The following DNAAF11 variants were observed in gnomAD, a reference collection of about 807,000 sequenced individuals.
DNAAF11 encodes the protein dynein axonemal assembly factor 11, also known as leucine rich repeat containing 6.
DNAAF11 carries 45 observed loss-of-function variants against 60.8 expected under a neutral mutation model. The ratio of observed to expected loss-of-function variants is 0.74; its 90% CI spans 0.58 to 0.95. DNAAF11 has a LOEUF of 0.95. Among genes scored for constraint, DNAAF11 ranks in the 40% least tolerant of loss-of-function variants. DNAAF11 has a pLI of 0.00. For missense variants in DNAAF11, 546 were observed against 546.2 expected, an observed-to-expected ratio of 1.00 and a Z score of 0.00; for synonymous variants, 191 against 183.5, an observed-to-expected ratio of 1.04 and a Z score of -0.33.
At chr8:132,601,779 C>A (rs971083653) in intron 10 of DNAAF11, among the ~76,000 whole-genome samples, 1 of 151,596 alleles carries the variant, frequency 6.6e-6, no homozygotes, top group Admixed American at 6.6e-5. Flanking sequence ...TCATGGGGTG[C>A]GGGGAGGGTG....
rs138974992 is a variant in DNAAF11 at position 132,641,467 on chromosome 8, C to T, written c.257-3360G>A. ...CTTGTTAATTACTTTATCTCCCACACATAAAAGATTCCTTGGCGTGAGATA... is the reference window on the plus strand; with the variant it reads ...CTTGTTAATTACTTTATCTCCCACATATAAAAGATTCCTTGGCGTGAGATA... On this transcript the variant is annotated intron_variant, in intron 3 of 11. Coordinates refer to ENST00000620350, the MANE Select transcript of DNAAF11 (RefSeq NM_012472.6). Among the ~76,000 whole-genome samples the T allele has an allele frequency of 7.1e-3, 1,073 of 152,142 alleles. 9 individuals are homozygous for T. Among genetic ancestry groups the T allele is most frequent in the Non-Finnish European group, 0.011 (737 of 67,982 alleles).
At chr8:132,673,229 AT>A (rs1233445763) in intron 1 of DNAAF11, among the ~76,000 whole-genome samples, 2 of 152,156 alleles carry the variant, frequency 1.3e-5, no homozygotes, top group African/African-American at 4.8e-5. Flanking sequence ...CCCAGCCCTG[AT>A]AGTTACTGTG....
At chr8:132,669,940 C>CAAAAAAAAAAAAAAAAAAAAAAAAAAAA (rs35402875) in intron 1 of DNAAF11, among the ~76,000 whole-genome samples, 1 of 69,786 alleles carries the variant, frequency 1.4e-5, no homozygotes, top group African/African-American at 4.0e-5. Context: ...GACTCCGTCT[C>CAAAAAAAAAAAAAAAAAAAAAAAAAAAA]AAAAAAAAAA....
rs1464960598 is a variant in DNAAF11, at chr8:132,571,167, C to T, written c.*1139G>A. Among the ~76,000 whole-genome samples, 4 of 152,132 alleles carry T rather than the reference C, an allele frequency of 2.6e-5. No individual in the cohort carries two copies. The East Asian group carries it at 5.8e-4, about 22-fold the overall frequency. On this transcript the variant is annotated 3_prime_UTR_variant, in exon 12 of 12. Transcript: ENST00000620350. ...AGAAAGGCCCTGTCTGAAAAAGCAC[C>T]CATCACCCTTGATTCCCTCACTCTG...
intron 3 of DNAAF11, among the ~76,000 whole-genome samples, chr8:132,652,839 T>C (rs1823156119): frequency 6.6e-6 from 1 of 152,014 alleles, no homozygotes; most frequent in South Asian, 2.1e-4. Flanking sequence ...GTACCTAATG[T>C]AGATGACGGG....
chr8:132,639,290 T>A (rs1475426883), intron 3 of DNAAF11, among the ~76,000 whole-genome samples: 1 of 152,168 alleles, frequency 6.6e-6, no homozygotes, highest in African/African-American at 2.4e-5. Flanking sequence ...TCTCTCCCTA[T>A]GACTGCCTCA....
At chr8:132,574,711 G>C (rs1814559185) in intron 11 of DNAAF11, among the ~76,000 whole-genome samples, 1 of 152,160 alleles carries the variant, frequency 6.6e-6, no homozygotes, top group African/African-American at 2.4e-5. Flanking sequence ...CTCTGAACCT[G>C]GGGTCATCTT....
chr8:132,695,298 A>G, the DNAAF11 span, among the ~76,000 whole-genome samples: 2 of 152,174 alleles, frequency 1.3e-5, no homozygotes, highest in Admixed American at 6.6e-5. Context: ...TATTTAAGAC[A>G]GGTATTATTA....
chr8:132,656,149 C>T (rs1036371607), intron 3 of DNAAF11, among the ~76,000 whole-genome samples: 5 of 152,116 alleles, frequency 3.3e-5, no homozygotes, highest in South Asian at 2.1e-4. Context: ...ACAATGATTC[C>T]GGTACGTAGC....
At chr8:132,572,922 G>C (rs148670247) in intron 11 of DNAAF11, among the ~76,000 whole-genome samples, 1 of 151,846 alleles carries the variant, frequency 6.6e-6, no homozygotes, top group Non-Finnish European at 1.5e-5. Context: ...CAGGGGTTTG[G>C]CAGGGGCATC....
intron 10 of DNAAF11, among the ~76,000 whole-genome samples, chr8:132,591,508 TG>T (rs1384139639): frequency 6.6e-6 from 1 of 152,040 alleles, no homozygotes; most frequent in Non-Finnish European, 1.5e-5. Flanking sequence ...GTGTTTGTTT[TG>T]TAACTGTCGT....
chr8:132,586,577 C>CT (rs1815922300), intron 10 of DNAAF11, among the ~76,000 whole-genome samples: 1 of 152,074 alleles, frequency 6.6e-6, no homozygotes, highest in South Asian at 2.1e-4. Flanking sequence ...ATCACGTGGT[C>CT]TTTTCAGTTC....
chr8:132,600,343 C>T (rs962458423), intron 10 of DNAAF11, among the ~76,000 whole-genome samples: 2 of 152,176 alleles, frequency 1.3e-5, no homozygotes, highest in Non-Finnish European at 2.9e-5. Context: ...AATGGCCATA[C>T]TGCCCAAGGT....
At chr8:132,624,534 C>T (rs559739381) in intron 6 of DNAAF11, among the ~76,000 whole-genome samples, 1 of 152,184 alleles carries the variant, frequency 6.6e-6, no homozygotes, top group South Asian at 2.1e-4. Flanking sequence ...TTTTTTACTT[C>T]TAGTTTCTTG....
intron 1 of DNAAF11, among the ~76,000 whole-genome samples, chr8:132,674,136 A>G (rs868261164): frequency 0.12 from 4,280 of 34,570 alleles, 6 homozygotes; most frequent in Middle Eastern, 0.19. Flanking sequence ...GGAGGAGGAG[A>G]AGGAGGAGGA....
chr8:132,682,614 G>A, the DNAAF11 span, among the ~76,000 whole-genome samples: 2 of 152,224 alleles, frequency 1.3e-5, no homozygotes, highest in African/African-American at 4.8e-5. Flanking sequence ...AATAGGATGG[G>A]TCAGTAGTAT....
In DNAAF11 at chr8:132,572,327, AG is replaced by A; in HGVS notation, c.1379del (p.Pro460LeufsTer6). The A allele has an allele frequency of 6.2e-7, 1 of 1,613,340 alleles. No homozygotes were observed. Among genetic ancestry groups the A allele is most frequent in the South Asian group, 1.1e-5 (1 of 90,888 alleles). On this transcript the variant is annotated frameshift_variant, in exon 12 of 12. Coordinates refer to ENST00000620350, the MANE Select transcript of DNAAF11 (RefSeq NM_012472.6). LOFTEE classifies it high-confidence loss of function. ...SEEDPTFEDN[P>X]EVPPLI ...TGTTTCAAATCAGCGGAGGCACTTC[AG>A]GGTTGTCTTCAAAGGTTGGGTCTTC...
chr8:132,680,496 C>T (rs1036134726), upstream of DNAAF11, among the ~76,000 whole-genome samples: 1 of 151,960 alleles, frequency 6.6e-6, no homozygotes, highest in Non-Finnish European at 1.5e-5. Flanking sequence ...TTCATTTTAA[C>T]TTATATAATT....
intron 3 of DNAAF11, chr8:132,643,559 C>G (rs1172175174): frequency 2.2e-6 from 1 of 446,086 alleles, no homozygotes; most frequent in African/African-American, 2.0e-5. Flanking sequence ...TGCCATATTT[C>G]ATTATGATAT....
Sources: allele counts gnomAD v4.1 joint callset (sites outside exome capture counted in the v4.1 genomes callset), GRCh38; gene constraint gnomAD v4.1.1; transcripts MANE v1.5; gene names NCBI Gene and HGNC (gene_info 2026-07-23, HGNC 2026-07-21).